The following PDX1 variants were observed in gnomAD, a reference collection of about 807,000 sequenced individuals.
PDX1 encodes pancreas/duodenum homeobox protein 1.
A neutral mutation model predicts 11.1 loss-of-function variants in PDX1; 7 were observed. That is an observed-to-expected ratio of 0.63 (90% confidence interval 0.36 to 1.19). The LOEUF is 1.19. PDX1 is among the 50% of genes most tolerant of loss of function. The probability of loss-of-function intolerance (pLI) is 0.02; values close to 1 mark genes in which losing one functional copy is unlikely to be tolerated. For synonymous variants in PDX1, 232 were observed against 196.2 expected, an observed-to-expected ratio of 1.18 and a Z score of -1.53; for missense variants, 449 against 412.1, an observed-to-expected ratio of 1.09 and a Z score of -0.78.
At chr13:27,922,665 C>A (rs544892169) in intron 1 of PDX1, among the ~76,000 whole-genome samples, 36 of 152,312 alleles carry the variant, frequency 2.4e-4, no homozygotes, top group Admixed American at 2.1e-3. Context: ...AACCTCCACC[C>A]CTGCCGCGTC....
chr13:27,923,410 C>G (rs1311984994), intron 1 of PDX1, among the ~76,000 whole-genome samples: 1 of 152,226 alleles, frequency 6.6e-6, no homozygotes, highest in African/African-American at 2.4e-5. Flanking sequence ...GGCGTAGAGT[C>G]TGGAGCTGCC....
Position 27,924,898 on chromosome 13 carries a change from G to T in PDX1, c.*197G>T. The T allele has an allele frequency of 2.2e-6, 1 of 451,384 alleles. No homozygotes were observed. Among genetic ancestry groups the T allele is most frequent in the Non-Finnish European group, 3.8e-6 (1 of 265,550 alleles). The allele number at this position is 451,384 out of a possible 1,614,324, so 28.0% of individuals were successfully genotyped here. A position where few individuals can be genotyped will look rare whatever the true frequency, so the allele number is the denominator to read the frequency against. On this transcript the variant is annotated 3_prime_UTR_variant, in exon 2 of 2. Coordinates refer to ENST00000381033, the MANE Select transcript of PDX1 (RefSeq NM_000209.4). This position sits in a 1 kb window ranked among gnomAD's most constrained non-coding sequence, Gnocchi z 4.8. ...GTTGGGGCCCCGCGGGTAGATGCCG[G>T]CAGGCCTTCCGGAAGAAAAAGAGCC...
intron 1 of PDX1, 63 bp downstream of exon 1, chr13:27,920,607 C>A: frequency 1.9e-6 from 3 of 1,548,756 alleles, no homozygotes; most frequent in South Asian, 1.1e-5. Flanking sequence ...TACCTCCAAG[C>A]GCTCCCAGGA....
At position 27,920,450 on chromosome 13, in the gene PDX1, C is replaced by T. The variant is rs535722487; in HGVS notation, c.312C>T (p.Ala104=). 102 of 1,593,498 alleles carry T rather than the reference C, an allele frequency of 6.4e-5. 4 individuals are homozygous for T. The South Asian group carries it at 1.1e-3, about 17-fold the overall frequency. ...CCGCCGGGCCCTTCCCGGAGGGAGCCGAGCCGGGCGTCCTGGAGGAGCCCA... is the reference window on the plus strand; with the variant it reads ...CCGCCGGGCCCTTCCCGGAGGGAGCTGAGCCGGGCGTCCTGGAGGAGCCCA... ...HPPAGPFPEG[A]EPGVLEEPNR... is the part of the protein sequence containing the mutation. Residue 104 remains alanine, a synonymous_variant, in exon 1 of 2, where the codon GCC becomes GCT. Transcript: ENST00000381033.
Position 27,923,789 on chromosome 13 carries a change from C to T in PDX1, c.407-467C>T, listed in dbSNP as rs774925826. 8.1e-4 allele frequency among the ~76,000 whole-genome samples: 123 copies of T among 152,146 alleles called. 3 individuals carry two copies. The highest frequency in any genetic ancestry group is 2.5e-4 in the Non-Finnish European group (17 of 68,044). ...GTCAGTATAACTGACCTGCAGTGTC[C>T]GTGTGTGAACTACACAACGATCCGA... On this transcript the variant is annotated intron_variant, in intron 1 of 1. Transcript: ENST00000381033.
At position 27,924,386 on chromosome 13, in the gene PDX1, G is replaced by A. The variant is rs200760158; in HGVS notation, c.537G>A (p.Leu179=). The A allele has an allele frequency of 6.2e-7, 1 of 1,613,118 alleles. No homozygotes were observed. The highest frequency in any genetic ancestry group is 2.2e-5 in the East Asian group (1 of 44,880). Residue 179 remains leucine, a synonymous_variant, in exon 2 of 2, where the codon CTG becomes CTA. Coordinates refer to ENST00000381033, the MANE Select transcript of PDX1 (RefSeq NM_000209.4). The surrounding 1 kb of genome is among the most constrained non-coding windows in gnomAD (Gnocchi z 4.8). The part of the protein sequence containing the change: ...KYISRPRRVE[L]AVMLNLTERH... ...TCTCACGGCCGCGCCGGGTGGAGCT[G>A]GCTGTCATGTTGAACTTGACCGAGA...
At chr13:27,920,658 G>A in intron 1 of PDX1, 114 bp downstream of exon 1, 2 of 1,090,956 alleles carry the variant, frequency 1.8e-6, no homozygotes, top group Non-Finnish European at 2.8e-6. Context: ...ATCCCGGGTC[G>A]GACTAAACTA....
rs542431737 is a variant in PDX1, at chr13:27,921,921, C to T, written c.406+1377C>T. Among the ~76,000 whole-genome samples the T allele has an allele frequency of 5.3e-5, 8 of 152,306 alleles. No individual in the cohort carries two copies. In the East Asian group the frequency reaches 1.2e-3, roughly 22 times the overall value. ...CCCGGGCCAAAGGCCTTGAAGTCTC[C>T]GGAAATGCGGGGTTCTTAGGAGGCG... On this transcript the variant is annotated intron_variant, in intron 1 of 1. Transcript: ENST00000381033.
In PDX1 at chr13:27,924,488, A is replaced by G; in HGVS notation, c.639A>G (p.Thr213=). The change falls in exon 2 of 2, where the codon ACA becomes ACG. Residue 213 remains threonine, a synonymous_variant. Transcript: ENST00000381033. This position sits in a 1 kb window ranked among gnomAD's most constrained non-coding sequence, Gnocchi z 4.8. The part of the protein sequence containing the change: ...KEEDKKRGGG[T]AVGGGGVAEP... Reference sequence around the variant, plus strand: ...AGGACAAGAAGCGCGGCGGCGGGACAGCTGTCGGGGGTGGCGGGGTCGCGG... The same window carrying G: ...AGGACAAGAAGCGCGGCGGCGGGACGGCTGTCGGGGGTGGCGGGGTCGCGG... The G allele has an allele frequency of 6.2e-7, 1 of 1,612,494 alleles. No individual in the cohort carries two copies.
At chr13:27,922,483 A>C (rs1308118561) in intron 1 of PDX1, among the ~76,000 whole-genome samples, 2 of 152,144 alleles carry the variant, frequency 1.3e-5, no homozygotes, top group Non-Finnish European at 2.9e-5. Flanking sequence ...CGAAGTGACA[A>C]AAGGGCTCTC....
In PDX1 at chr13:27,924,211, G is replaced by A. The variant is rs763763249; in HGVS notation, c.407-45G>A. 6.0e-6 allele frequency: 9 copies of A among 1,497,610 alleles called. No individual in the cohort carries two copies. Among genetic ancestry groups the A allele is most frequent in the Non-Finnish European group, 8.1e-6 (9 of 1,117,924 alleles). The allele number at this position is 1,497,610 out of a possible 1,614,324, so 92.8% of individuals were successfully genotyped here. ...GGGTTGGGCTGCGTGGGTGGGGGCTGTGCGGGGCTCCGGGGGCCACACTCA... is the reference window on the plus strand; with the variant it reads ...GGGTTGGGCTGCGTGGGTGGGGGCTATGCGGGGCTCCGGGGGCCACACTCA... On this transcript the variant is annotated intron_variant, in intron 1 of 1. Transcript: ENST00000381033. This position sits in a 1 kb window ranked among gnomAD's most constrained non-coding sequence, Gnocchi z 4.8.
At position 27,924,745 on chromosome 13, in the gene PDX1, G is replaced by A; in HGVS notation, c.*44G>A. 4 of 1,398,844 alleles carry A rather than the reference G, an allele frequency of 2.9e-6. No individual in the cohort carries two copies. Among genetic ancestry groups the A allele is most frequent in the Middle Eastern group, 2.5e-4 (1 of 3,946 alleles). The allele number at this position is 1,398,844 out of a possible 1,614,324, so 86.7% of individuals were successfully genotyped here. On this transcript the variant is annotated 3_prime_UTR_variant, in exon 2 of 2. Coordinates refer to ENST00000381033, the MANE Select transcript of PDX1 (RefSeq NM_000209.4). This position sits in a 1 kb window ranked among gnomAD's most constrained non-coding sequence, Gnocchi z 4.8. ...GGCTGAGGGGCTTCAACCACTCGCC[G>A]AGGAGGAGCAGAGGGCCTAGGAGGA... is the stretch of plus-strand genomic sequence containing the variant.
In PDX1 at chr13:27,924,660, C is replaced by A. The variant is rs541584830; in HGVS notation, c.811C>A (p.Pro271Thr). The change falls in exon 2 of 2, where the codon CCC (proline) becomes ACC (threonine). Residue 271 changes from proline to threonine, a missense_variant. Pro to Thr is a conservative substitution (Grantham distance 38). Coordinates refer to ENST00000381033, the MANE Select transcript of PDX1 (RefSeq NM_000209.4). The surrounding 1 kb of genome is among the most constrained non-coding windows in gnomAD (Gnocchi z 4.8). ...LPPGLSASPQ[P>T]SSVAPRRPQE... The stretch of plus-strand genomic sequence containing the variant: ...GCCTGGCCTTAGCGCGTCGCCACAG[C>A]CCTCCAGCGTCGCGCCTCGGCGGCC... The A allele has an allele frequency of 2.0e-6, 3 of 1,475,870 alleles. No individual in the cohort carries two copies. Among genetic ancestry groups the A allele is most frequent in the Admixed American group, 4.6e-5 (2 of 43,120 alleles). 91.4% of individuals were successfully genotyped at this position (1,475,870 alleles called of 1,614,324 possible).
Position 27,920,245 on chromosome 13 carries a change from T to C in PDX1, c.107T>C (p.Leu36Pro), listed in dbSNP as rs936861677. The C allele has an allele frequency of 1.9e-6, 3 of 1,546,302 alleles. No homozygotes were observed. The highest frequency in any genetic ancestry group is 2.4e-5 in the South Asian group (2 of 83,746). The change falls in exon 1 of 2, where the codon CTG becomes CCG. Residue 36 changes from leucine (L) to proline (P), a missense_variant. Transcript: ENST00000381033. ...TTCAGCGCCAGCCCCCCTGCGTGCC[T>C]GTACATGGGCCGCCAGCCCCCGCCG... ...PEFSASPPAC[L>P]YMGRQPPPPP... is the part of the protein sequence containing the mutation.
rs781025559 is a variant in PDX1 at position 27,924,258 on chromosome 13, G to T, written c.409G>T (p.Gly137Cys). The T allele has an allele frequency of 3.8e-6, 6 of 1,596,932 alleles. No individual in the cohort carries two copies. Among genetic ancestry groups the T allele is most frequent in the Middle Eastern group, 2.3e-4 (1 of 4,410 alleles). Reference sequence around the variant, plus strand: ...CTCACGCCCTGTGTCGCCCGCAGGCGGCGCCTACGCTGCGGAGCCGGAGGA... The same window carrying T: ...CTCACGCCCTGTGTCGCCCGCAGGCTGCGCCTACGCTGCGGAGCCGGAGGA... ...AHAWKGQWAG[G>C]AYAAEPEENK... The change falls in exon 2 of 2, where the codon GGC becomes TGC. Residue 137 changes from glycine to cysteine, a missense_variant and splice_region_variant. Around this residue, in one of 3 missense-constraint regions of PDX1, gnomAD observed 263 missense variants for 212.5 expected, o/e 1.24. Coordinates refer to ENST00000381033, the MANE Select transcript of PDX1 (RefSeq NM_000209.4). This position sits in a 1 kb window ranked among gnomAD's most constrained non-coding sequence, Gnocchi z 4.8.
rs1342271116 is a variant in PDX1, at chr13:27,920,060, A to T, written c.-79A>T. On this transcript the variant is annotated 5_prime_UTR_variant, in exon 1 of 2. Transcript: ENST00000381033. ...GGCGCCGGGAGTGGGAACGCCACAC[A>T]GTGCCAAATCCCCGGCTCCAGCTCC... 25 of 1,516,862 alleles carry T rather than the reference A, an allele frequency of 1.6e-5. No homozygotes were observed. Among genetic ancestry groups the T allele is most frequent in the Non-Finnish European group, 2.2e-5 (25 of 1,118,564 alleles). The allele number at this position is 1,516,862 out of a possible 1,614,324, so 94.0% of individuals were successfully genotyped here. A position where few individuals can be genotyped will look rare whatever the true frequency, so the allele number is the denominator to read the frequency against.
intron 1 of PDX1, among the ~76,000 whole-genome samples, chr13:27,923,154 C>G (rs1957800128): frequency 1.3e-5 from 2 of 152,388 alleles, no homozygotes; most frequent in South Asian, 4.1e-4. Context: ...CCCGCGCCAG[C>G]GTCCACAGCC....
chr13:27,920,593 G>C (rs1431528568), intron 1 of PDX1, 49 bp downstream of exon 1: 20 of 1,591,218 alleles, frequency 1.3e-5, no homozygotes, highest in Non-Finnish European at 1.6e-5. Flanking sequence ...TCACCCGGCC[G>C]CCTTACCTCC....
At position 27,924,604 on chromosome 13, in the gene PDX1, C is replaced by A; in HGVS notation, c.755C>A (p.Ala252Asp). Residue 252 changes from alanine (A) to aspartate (D), a missense_variant, in exon 2 of 2, where the codon GCC (alanine) becomes GAC (aspartate). Ala to Asp is a moderately radical substitution (Grantham distance 126). Coordinates refer to ENST00000381033, the MANE Select transcript of PDX1 (RefSeq NM_000209.4). This position sits in a 1 kb window ranked among gnomAD's most constrained non-coding sequence, Gnocchi z 4.8. Reference protein sequence around the residue: ...PPPGGAVPPAAPVAAREGRLP... With the variant: ...PPPGGAVPPADPVAAREGRLP... ...CCCGGAGGTGCTGTGCCGCCCGCTGCCCCCGTTGCCGCCCGAGAGGGCCGC... is the reference window on the plus strand; with the variant it reads ...CCCGGAGGTGCTGTGCCGCCCGCTGACCCCGTTGCCGCCCGAGAGGGCCGC... 2 of 1,463,252 alleles carry A rather than the reference C, an allele frequency of 1.4e-6. No individual in the cohort carries two copies. Among genetic ancestry groups the A allele is most frequent in the Non-Finnish European group, 1.8e-6 (2 of 1,113,458 alleles). 90.6% of individuals were successfully genotyped at this position (1,463,252 alleles called of 1,614,324 possible).
Sources: allele counts gnomAD v4.1 joint callset (sites outside exome capture counted in the v4.1 genomes callset), GRCh38; gene constraint gnomAD v4.1.1; regional missense constraint gnomAD v4.1.1; non-coding constraint Gnocchi (gnomAD v3.1); transcripts MANE v1.5; gene names NCBI Gene and HGNC (gene_info 2026-07-23, HGNC 2026-07-21).